ADGRL3: variants seen among roughly 807,000 people sequenced by gnomAD.
ADGRL3 encodes the protein calcium-independent alpha-latrotoxin receptor 3.
Under a neutral mutation model 153.5 loss-of-function variants are expected in ADGRL3, and 62 were observed. That is an observed-to-expected ratio of 0.40 (90% CI 0.33 to 0.50). The LOEUF (loss-of-function observed/expected upper bound fraction) is 0.50. Ranked by LOEUF, ADGRL3 falls within the 20% of genes least tolerant of loss-of-function variation. The pLI, the probability that ADGRL3 is intolerant of heterozygous loss-of-function variation, is 0.47. For missense variants in ADGRL3, 1,641 were observed against 1,859.4 expected (o/e 0.88, Z 2.16); for synonymous variants, 710 against 672.5 (o/e 1.06, Z -0.86).
intron 1 of ADGRL3, among the ~76,000 whole-genome samples, chr4:61,302,612 G>T (rs1455571309): frequency 6.6e-6 from 1 of 151,594 alleles, no homozygotes; most frequent in African/African-American, 2.4e-5. Context: ...TGATTATTCA[G>T]GTTCAAAATT....
chr4:61,463,894 A>G (rs768713962), intron 2 of ADGRL3, among the ~76,000 whole-genome samples: 39 of 152,110 alleles, frequency 2.6e-4, no homozygotes, highest in Non-Finnish European at 5.0e-4. Context: ...TACATACTTG[A>G]AGGTGTGTTT....
chr4:62,008,225 G>A (rs1378071694), intron 21 of ADGRL3, among the ~76,000 whole-genome samples: 3 of 152,212 alleles, frequency 2.0e-5, no homozygotes, highest in South Asian at 4.2e-4. Context: ...AGGTTGGGGA[G>A]GTTGTTGTTG....
chr4:61,549,242 A>G (rs982358021), intron 4 of ADGRL3, among the ~76,000 whole-genome samples: 5 of 151,764 alleles, frequency 3.3e-5, no homozygotes, highest in African/African-American at 1.2e-4. Flanking sequence ...GGGGTTTTCT[A>G]GGTATAGAAT....
chr4:61,927,365 T>A (rs13109701), intron 13 of ADGRL3, among the ~76,000 whole-genome samples: 100,711 of 150,478 alleles, frequency 0.67, 34,021 homozygotes, highest in Non-Finnish European at 0.7. Context: ...TGCTTTTTTT[T>A]AAAAAAAAAA....
At chr4:61,468,879 T>C (rs2097914110) in intron 2 of ADGRL3, among the ~76,000 whole-genome samples, 1 of 152,088 alleles carries the variant, frequency 6.6e-6, no homozygotes, top group Non-Finnish European at 1.5e-5. Flanking sequence ...TCCCCATTTC[T>C]CAAGTAACAG....
At chr4:61,722,582 C>T (rs1272623083) in intron 6 of ADGRL3, among the ~76,000 whole-genome samples, 1 of 151,946 alleles carries the variant, frequency 6.6e-6, no homozygotes, top group African/African-American at 2.4e-5. Flanking sequence ...TAATATGTTC[C>T]TTAGTACAAA....
intron 21 of ADGRL3, among the ~76,000 whole-genome samples, chr4:62,008,178 A>G (rs2099168327): frequency 6.6e-6 from 1 of 152,134 alleles, no homozygotes; most frequent in Admixed American, 6.6e-5. Flanking sequence ...TTTGCTGTAA[A>G]CAAGAGCTGA....
intron 1 of ADGRL3, among the ~76,000 whole-genome samples, chr4:61,204,619 T>C (rs928946729): frequency 1.3e-5 from 2 of 152,356 alleles, no homozygotes; most frequent in Admixed American, 1.3e-4. Flanking sequence ...TGAATGCCAT[T>C]CCATAGCTCT....
At chr4:62,021,394 C>G (rs187148979) in intron 21 of ADGRL3, among the ~76,000 whole-genome samples, 105 of 152,164 alleles carry the variant, frequency 6.9e-4, no homozygotes, top group Admixed American at 3.0e-3. Context: ...TTCAGGCAGG[C>G]TGGTTTGCAC....
intron 4 of ADGRL3, among the ~76,000 whole-genome samples, chr4:61,546,429 A>C (rs931981757): frequency 1.3e-5 from 2 of 152,212 alleles, no homozygotes; most frequent in Non-Finnish European, 2.9e-5. Context: ...ATAATCTTAC[A>C]GTTAAATAGA....
chr4:61,941,197 C>T (rs1166266822), intron 15 of ADGRL3, among the ~76,000 whole-genome samples: 2 of 110,610 alleles, frequency 1.8e-5, no homozygotes, highest in African/African-American at 7.2e-5. Flanking sequence ...GAATCCTTTC[C>T]CCATTGCTTG....
intron 1 of ADGRL3, among the ~76,000 whole-genome samples, chr4:61,293,401 T>C (rs889993957): frequency 3.9e-5 from 6 of 152,230 alleles, no homozygotes; most frequent in African/African-American, 1.4e-4. Context: ...AACCCTATGA[T>C]TTAAAAGCAG....
intron 21 of ADGRL3, among the ~76,000 whole-genome samples, chr4:62,014,773 C>G (rs887545894): frequency 1.3e-5 from 2 of 152,132 alleles, no homozygotes; most frequent in African/African-American, 4.8e-5. Flanking sequence ...CACAGATGAT[C>G]ACTGATTAGC....
chr4:61,372,784 T>C (rs2096551991), intron 1 of ADGRL3, among the ~76,000 whole-genome samples: 1 of 152,158 alleles, frequency 6.6e-6, no homozygotes, highest in Non-Finnish European at 1.5e-5. Flanking sequence ...GCTGCTTTGT[T>C]TACCTAAGCA....
chr4:61,957,906 C>T (rs986956602), intron 17 of ADGRL3, among the ~76,000 whole-genome samples: 4 of 151,478 alleles, frequency 2.6e-5, no homozygotes, highest in Non-Finnish European at 4.4e-5. Flanking sequence ...ATAAAACACA[C>T]TCTGCCTCTT....
At chr4:61,916,980 T>G (rs996070275) in intron 13 of ADGRL3, among the ~76,000 whole-genome samples, 3 of 151,980 alleles carry the variant, frequency 2.0e-5, no homozygotes, top group Non-Finnish European at 4.4e-5. Flanking sequence ...AAAAATAAAT[T>G]TATTTATTAG....
At chr4:61,892,263 A>G (rs1317999763) in intron 9 of ADGRL3, among the ~76,000 whole-genome samples, 1 of 151,114 alleles carries the variant, frequency 6.6e-6, no homozygotes, top group African/African-American at 2.4e-5. Context: ...AAAATTTTAT[A>G]TATAGTTCTC....
intron 5 of ADGRL3, among the ~76,000 whole-genome samples, chr4:61,664,959 C>T (rs2094733011): frequency 6.6e-6 from 1 of 152,172 alleles, no homozygotes; most frequent in African/African-American, 2.4e-5. Flanking sequence ...CAACTGCATG[C>T]CTCTCAGGTC....
At chr4:61,591,972 G>A (rs1415688546) in intron 5 of ADGRL3, among the ~76,000 whole-genome samples, 3 of 151,058 alleles carry the variant, frequency 2.0e-5, no homozygotes, top group Non-Finnish European at 2.9e-5. Flanking sequence ...GCTGCTCGGG[G>A]TTGCTGAGGT....
Sources: allele counts gnomAD v4.1 joint callset (sites outside exome capture counted in the v4.1 genomes callset), GRCh38; gene constraint gnomAD v4.1.1; transcripts MANE v1.5; gene names NCBI Gene and HGNC (gene_info 2026-07-23, HGNC 2026-07-21).